The following RPA3 variants were observed in gnomAD, a reference collection of about 807,000 sequenced individuals.
The protein encoded by RPA3 is replication protein A3.
A neutral mutation model predicts 13.7 loss-of-function variants in RPA3; 24 were observed. That is an observed-to-expected ratio of 1.75 (90% CI 1.27 to 2.46). The LOEUF is 2.46. Among genes scored for constraint, RPA3 ranks in the 30% most tolerant of loss-of-function variants. RPA3 has a pLI of 0.00. For missense variants in RPA3, 183 were observed against 151.0 expected (o/e 1.21, Z -1.11); for synonymous variants, 59 against 51.2 (o/e 1.15, Z -0.65).
chr7:7,649,597 C>A (rs925131405), intron 4 of RPA3, among the ~76,000 whole-genome samples: 1 of 152,060 alleles, frequency 6.6e-6, no homozygotes, highest in African/African-American at 2.4e-5. Flanking sequence ...TTCTTGCCTT[C>A]TTTTGCATTG....
At position 7,640,667 on chromosome 7, in the gene RPA3, T is replaced by C. The variant is rs1784946182; in HGVS notation, c.-249A>G. On this transcript the variant is annotated 5_prime_UTR_variant, in exon 5 of 8. Transcript: ENST00000223129. ...GCGCGGCGTCCCGGAAGTTGACAGA[T>C]ACAGGGCGAGAGGCAGTGGAGGCGG... 1.2e-5 allele frequency: 6 copies of C among 510,346 alleles called. No homozygotes were observed. In the Admixed American group the frequency reaches 1.4e-4, roughly 12 times the overall value. The allele number at this position is 510,346 out of a possible 1,614,324, so 31.6% of individuals were successfully genotyped here.
chr7:7,665,646 G>C (rs1406530325), intron 4 of RPA3, among the ~76,000 whole-genome samples: 5 of 152,104 alleles, frequency 3.3e-5, no homozygotes. Flanking sequence ...TCACTTCCAA[G>C]AGTTTCCTGC....
At chr7:7,708,068 A>T (rs765120999) in intron 2 of RPA3, among the ~76,000 whole-genome samples, 1 of 152,152 alleles carries the variant, frequency 6.6e-6, no homozygotes, top group African/African-American at 2.4e-5. Flanking sequence ...ACACTGTTGT[A>T]TTTCAGTCGT....
At chr7:7,693,508 G>A (rs1053468837) in intron 2 of RPA3, among the ~76,000 whole-genome samples, 2 of 152,054 alleles carry the variant, frequency 1.3e-5, no homozygotes, top group East Asian at 1.9e-4. Context: ...TGTTTTCCTG[G>A]ATGTCGATAG....
chr7:7,683,260 GAAA>G (rs1292057001), intron 4 of RPA3, among the ~76,000 whole-genome samples: 9 of 152,054 alleles, frequency 5.9e-5, no homozygotes, highest in Admixed American at 5.9e-4. Flanking sequence ...GGGATACTTA[GAAA>G]AAAATACTGG....
intron 4 of RPA3, among the ~76,000 whole-genome samples, chr7:7,656,226 G>A (rs1312946986): frequency 6.6e-6 from 1 of 152,298 alleles, no homozygotes; most frequent in South Asian, 2.1e-4. Flanking sequence ...GAGGGTGGAA[G>A]TGGAGTGGAA....
At chr7:7,683,668 G>A (rs1462310790) in intron 4 of RPA3, among the ~76,000 whole-genome samples, 2 of 151,560 alleles carry the variant, frequency 1.3e-5, no homozygotes, top group African/African-American at 4.8e-5. Context: ...TGTTGCCCAG[G>A]CTGGAGTGCA....
intron 2 of RPA3, among the ~76,000 whole-genome samples, chr7:7,711,311 C>T (rs1780756909): frequency 6.6e-6 from 1 of 152,190 alleles, no homozygotes; most frequent in South Asian, 2.1e-4. Flanking sequence ...CATCCTTGTA[C>T]ATGTCTCCTG....
intron 4 of RPA3, among the ~76,000 whole-genome samples, chr7:7,667,984 G>T (rs1387408657): frequency 6.6e-6 from 1 of 152,082 alleles, no homozygotes; most frequent in East Asian, 1.9e-4. Flanking sequence ...CTGCAGTGCA[G>T]TGGCTCACTT....
At chr7:7,654,909 A>AC (rs1785305971) in intron 4 of RPA3, among the ~76,000 whole-genome samples, 1 of 151,686 alleles carries the variant, frequency 6.6e-6, no homozygotes, top group Admixed American at 6.6e-5. Context: ...TCTCAAAAAA[A>AC]AAAAAAAAAT....
At chr7:7,665,705 T>C (rs990643695) in intron 4 of RPA3, among the ~76,000 whole-genome samples, 1 of 152,126 alleles carries the variant, frequency 6.6e-6, no homozygotes, top group Non-Finnish European at 1.5e-5. Flanking sequence ...GTTCCTCCCC[T>C]CCCCAGGCAA....
intron 4 of RPA3, among the ~76,000 whole-genome samples, chr7:7,665,116 A>G (rs80267174): frequency 1.3e-5 from 2 of 152,216 alleles, no homozygotes; most frequent in African/African-American, 2.4e-5. Flanking sequence ...ATATATTTAC[A>G]TTAACTAGTA....
chr7:7,645,764 T>G (rs1490392578), intron 4 of RPA3, among the ~76,000 whole-genome samples: 1 of 152,176 alleles, frequency 6.6e-6, no homozygotes, highest in Non-Finnish European at 1.5e-5. Flanking sequence ...GGTTATGATA[T>G]ATTGTCTTTT....
At chr7:7,643,752 CG>C (rs1193427208) in intron 4 of RPA3, among the ~76,000 whole-genome samples, 1 of 133,968 alleles carries the variant, frequency 7.5e-6, no homozygotes, top group Non-Finnish European at 1.6e-5. Context: ...AAAGGATCAA[CG>C]GTTAAATCGG....
intron 4 of RPA3, among the ~76,000 whole-genome samples, chr7:7,662,152 C>G (rs1055701596): frequency 6.6e-6 from 1 of 152,092 alleles, no homozygotes; most frequent in Non-Finnish European, 1.5e-5. Context: ...TGGCAGATGC[C>G]CTTCCCCCCA....
intron 4 of RPA3, among the ~76,000 whole-genome samples, chr7:7,671,136 C>G (rs1779595500): frequency 6.6e-6 from 1 of 152,148 alleles, no homozygotes; most frequent in Non-Finnish European, 1.5e-5. Context: ...TGAATTGAGA[C>G]CAGATTATTT....
chr7:7,688,294 A>G (rs1554315337), intron 2 of RPA3, among the ~76,000 whole-genome samples: 3 of 151,758 alleles, frequency 2.0e-5, no homozygotes, highest in Non-Finnish European at 4.4e-5. Flanking sequence ...AAGGTGGGAG[A>G]GTTGTTGTCA....
Position 7,710,859 on chromosome 7 carries a change from G to T in RPA3, c.-1028+4316C>A, listed in dbSNP as rs137926215. 2.0e-4 allele frequency among the ~76,000 whole-genome samples: 31 copies of T among 152,278 alleles called. No individual in the cohort carries two copies. The East Asian group carries it at 5.6e-3, about 27-fold the overall frequency. On this transcript the variant is annotated intron_variant, in intron 2 of 7. Coordinates refer to ENST00000223129, the MANE Select transcript of RPA3 (RefSeq NM_002947.5). Reference sequence around the variant, plus strand: ...ATCATGGAATAATACTCAGCAAGAAGAAGTAACAAACTGTTGATATATACA... The same window carrying T: ...ATCATGGAATAATACTCAGCAAGAATAAGTAACAAACTGTTGATATATACA...
At chr7:7,640,077 C>A (rs370873160) in intron 5 of RPA3, 1 of 537,748 alleles carries the variant, frequency 1.9e-6, no homozygotes. Context: ...ACGGCTAGAA[C>A]GGAGGCGACG....
Sources: allele counts gnomAD v4.1 joint callset (sites outside exome capture counted in the v4.1 genomes callset), GRCh38; gene constraint gnomAD v4.1.1; transcripts MANE v1.5; gene names NCBI Gene and HGNC (gene_info 2026-07-23, HGNC 2026-07-21).